The following TTLL11 variants were observed in gnomAD, a reference collection of about 807,000 sequenced individuals.
TTLL11 encodes the protein tubulin tyrosine ligase like 11.
A neutral mutation model predicts 51.7 loss-of-function variants in TTLL11; 42 were observed. That is an observed-to-expected ratio of 0.81 (90% CI 0.64 to 1.05). TTLL11 has a LOEUF of 1.05. Ranked by LOEUF, TTLL11 falls within the 50% of genes least tolerant of loss-of-function variation. TTLL11 has a pLI of 0.00. For missense variants in TTLL11, 799 were observed against 940.4 expected, an observed-to-expected ratio of 0.85 and a Z score of 1.97; for synonymous variants, 381 against 383.5, an observed-to-expected ratio of 0.99 and a Z score of 0.08.
At chr9:121,936,723 A>G (rs1172690446) in intron 6 of TTLL11, among the ~76,000 whole-genome samples, 1 of 152,250 alleles carries the variant, frequency 6.6e-6, no homozygotes, top group Non-Finnish European at 1.5e-5. Flanking sequence ...TACAGGTCAG[A>G]GATCATCATG....
rs1450888206 is a variant in TTLL11 at position 122,007,247 on chromosome 9, G to A, written c.694-17477C>T. Among the ~76,000 whole-genome samples, 5 of 151,964 alleles carry A rather than the reference G, an allele frequency of 3.3e-5. No individual in the cohort carries two copies. The East Asian group carries it at 9.7e-4, about 29-fold the overall frequency. On this transcript the variant is annotated intron_variant, in intron 3 of 8. Transcript: ENST00000321582. ...ATTGGCTGAGTCCAGGGCAGGGCAG[G>A]AAAAGTATAAGAAAAGCCTGGAATG...
chr9:122,062,714 C>A (rs577075180), intron 1 of TTLL11, among the ~76,000 whole-genome samples: 13 of 151,904 alleles, frequency 8.6e-5, no homozygotes, highest in African/African-American at 2.9e-4. Context: ...GGTGATCCAC[C>A]TTCCTCGGCC....
intron 3 of TTLL11, among the ~76,000 whole-genome samples, chr9:122,020,878 C>T (rs10985486): frequency 0.044 from 6,711 of 152,194 alleles, 176 homozygotes; most frequent in African/African-American, 0.074. Context: ...TTCCAGCCTT[C>T]GAAACTGTGA....
chr9:121,829,816 A>ACAC (rs1564262500), intron 8 of TTLL11, among the ~76,000 whole-genome samples: 7 of 148,220 alleles, frequency 4.7e-5, no homozygotes, highest in African/African-American at 1.8e-4. Context: ...CACACACACC[A>ACAC]CACACACACA....
chr9:122,028,700 C>T (rs955202647), intron 3 of TTLL11, among the ~76,000 whole-genome samples: 1 of 152,174 alleles, frequency 6.6e-6, no homozygotes. Context: ...TAAGATGCTA[C>T]ATCAACAACT....
chr9:122,055,503 G>T (rs1038735611), intron 1 of TTLL11, among the ~76,000 whole-genome samples: 1 of 152,228 alleles, frequency 6.6e-6, no homozygotes. Context: ...CAGATTAAGG[G>T]TGGGTCTGCC....
chr9:121,881,282 G>C (rs562789093), intron 6 of TTLL11, among the ~76,000 whole-genome samples: 92 of 151,104 alleles, frequency 6.1e-4, no homozygotes, highest in Middle Eastern at 3.2e-3. Context: ...TGTGAATACA[G>C]ACAATAAGTT....
intron 3 of TTLL11, among the ~76,000 whole-genome samples, chr9:122,023,895 G>C (rs908178216): frequency 4.6e-5 from 7 of 152,024 alleles, no homozygotes; most frequent in Admixed American, 3.9e-4. Flanking sequence ...CTAAGATCAG[G>C]AAAAAGTCCC....
intron 6 of TTLL11, among the ~76,000 whole-genome samples, chr9:121,971,785 T>A (rs1390269038): frequency 2.8e-5 from 4 of 142,360 alleles, no homozygotes; most frequent in African/African-American, 1.0e-4. Context: ...ATATACACCA[T>A]GGAATACTAT....
At chr9:121,954,975 A>C (rs1671407106) in intron 6 of TTLL11, among the ~76,000 whole-genome samples, 1 of 152,214 alleles carries the variant, frequency 6.6e-6, no homozygotes, top group Admixed American at 6.5e-5. Flanking sequence ...ACTGGCTCTC[A>C]GTCAAGTTCA....
At position 121,989,063 on chromosome 9, in the gene TTLL11, A is replaced by T. The variant is rs559509746; in HGVS notation, c.1269+132T>A. On this transcript the variant is annotated intron_variant, in intron 4 of 8. Coordinates refer to ENST00000321582, the MANE Select transcript of TTLL11 (RefSeq NM_001139442.2). This position sits in a 1 kb window ranked among gnomAD's most constrained non-coding sequence, Gnocchi z 4.2. ...AAGTTGGGCCCAGGTTTAACACCCA[A>T]GCCCACAGCACCACCAACACTGTCC... The T allele has an allele frequency of 6.6e-7, 1 of 1,510,634 alleles. No homozygotes were observed. The highest frequency in any genetic ancestry group is 1.4e-5 in the South Asian group (1 of 73,862). The allele number at this position is 1,510,634 out of a possible 1,614,324, so 93.6% of individuals were successfully genotyped here. A position where few individuals can be genotyped will look rare whatever the true frequency, so the allele number is the denominator to read the frequency against.
intron 8 of TTLL11, among the ~76,000 whole-genome samples, chr9:121,838,637 T>C (rs1837249396): frequency 6.6e-6 from 1 of 152,166 alleles, no homozygotes; most frequent in Admixed American, 6.5e-5. Flanking sequence ...AAGAATCGCT[T>C]GAACCCAGGA....
At chr9:121,977,170 GA>G (rs1842729842) in intron 4 of TTLL11, among the ~76,000 whole-genome samples, 1 of 152,190 alleles carries the variant, frequency 6.6e-6, no homozygotes, top group African/African-American at 2.4e-5. Flanking sequence ...CCAGTGGCAT[GA>G]AATTTTCCAG....
chr9:121,925,697 A>T (rs146899835), intron 6 of TTLL11, among the ~76,000 whole-genome samples: 37 of 152,226 alleles, frequency 2.4e-4, no homozygotes, highest in African/African-American at 8.9e-4. Context: ...TCCTGGCTGG[A>T]CTGCAAGTCA....
At chr9:122,055,848 G>A (rs559573118) in intron 1 of TTLL11, among the ~76,000 whole-genome samples, 2 of 152,324 alleles carry the variant, frequency 1.3e-5, no homozygotes, top group African/African-American at 4.8e-5. Flanking sequence ...GAAAAAAAGG[G>A]AAGTTACCAA....
chr9:122,039,311 C>A lies in TTLL11; in HGVS notation c.520G>T (p.Asp174Tyr). Residue 174 changes from aspartate to tyrosine, a missense_variant, in exon 2 of 9, where the codon GAC (aspartate) becomes TAC (tyrosine). Coordinates refer to ENST00000321582, the MANE Select transcript of TTLL11 (RefSeq NM_001139442.2). ...DIYWHGVSFH[D>Y]NDIFSGQVNK... Reference sequence around the variant, plus strand: ...ACTTGACCGGAGAATATGTCATTGTCGTGAAATGAAACTCCATGCCAGTAG... The same window carrying A: ...ACTTGACCGGAGAATATGTCATTGTAGTGAAATGAAACTCCATGCCAGTAG... 1.2e-6 allele frequency: 2 copies of A among 1,613,974 alleles called. No homozygotes were observed. The highest frequency in any genetic ancestry group is 2.2e-5 in the South Asian group (2 of 91,062).
At chr9:121,925,378 C>T (rs991001106) in intron 6 of TTLL11, among the ~76,000 whole-genome samples, 5 of 152,210 alleles carry the variant, frequency 3.3e-5, no homozygotes, top group African/African-American at 9.6e-5. Context: ...GTGGGCGAGG[C>T]CTCCCGCTGC....
chr9:122,029,351 T>C (rs1844453973), intron 3 of TTLL11, among the ~76,000 whole-genome samples: 2 of 152,174 alleles, frequency 1.3e-5, no homozygotes, highest in African/African-American at 4.8e-5. Context: ...ACTGTTATCA[T>C]AGGATATGAC....
intron 6 of TTLL11, among the ~76,000 whole-genome samples, chr9:121,956,461 T>C (rs550223787): frequency 1.3e-5 from 2 of 152,340 alleles, no homozygotes; most frequent in South Asian, 4.1e-4. Flanking sequence ...ACAAGCAATA[T>C]ATGTGACACC....
Sources: allele counts gnomAD v4.1 joint callset (sites outside exome capture counted in the v4.1 genomes callset), GRCh38; gene constraint gnomAD v4.1.1; non-coding constraint Gnocchi (gnomAD v3.1); transcripts MANE v1.5; gene names NCBI Gene and HGNC (gene_info 2026-07-23, HGNC 2026-07-21).